CRCP: variants seen among roughly 807,000 people sequenced by gnomAD.
The protein encoded by CRCP is CGRP receptor component, also known as DNA-directed RNA polymerase III subunit RPC9.
Under a neutral mutation model 18.5 loss-of-function variants are expected in CRCP, and 18 were observed. That is an observed-to-expected ratio of 0.97 (90% CI 0.67 to 1.44). The LOEUF (loss-of-function observed/expected upper bound fraction) is 1.44, where lower values mean the gene tolerates loss of function less well. Ranked by LOEUF, CRCP falls within the 40% of genes most tolerant of loss-of-function variation. The pLI, the probability that CRCP is intolerant of heterozygous loss-of-function variation, is 0.00. For missense variants in CRCP, 130 were observed against 176.4 expected (o/e 0.74, Z 1.49); for synonymous variants, 53 against 62.9 (o/e 0.84, Z 0.75).
chr7:66,120,130 G>A (rs1320763333), intron 1 of CRCP, among the ~76,000 whole-genome samples: 3 of 151,806 alleles, frequency 2.0e-5, no homozygotes, highest in Non-Finnish European at 4.4e-5. Flanking sequence ...CTTGCAGTGA[G>A]CCAAGATCGC....
intron 3 of CRCP, 82 bp from the exon 4 acceptor site, chr7:66,134,198 T>A: frequency 9.2e-7 from 1 of 1,085,892 alleles, no homozygotes; most frequent in South Asian, 1.4e-5. Flanking sequence ...AGAATTTTAA[T>A]TACAGTCATT....
At position 66,154,131 on chromosome 7, in the gene CRCP, TTTA is replaced by T. The variant is rs1788545740; in HGVS notation, c.*1777_*1779del. On this transcript the variant is annotated 3_prime_UTR_variant, in exon 6 of 6. Coordinates refer to ENST00000395326, the MANE Select transcript of CRCP (RefSeq NM_014478.5). ...TGAGAATTTTAGTGGGAGCTGTTGATTTATTTCTCAGGGCATACATGTGCCAAT... is the reference window on the plus strand; with the variant it reads ...TGAGAATTTTAGTGGGAGCTGTTGATTTTCTCAGGGCATACATGTGCCAAT... The T allele has an allele frequency of 6.6e-6, 1 of 152,004 alleles. No homozygotes were observed. Among genetic ancestry groups the T allele is most frequent in the Admixed American group, 6.6e-5 (1 of 15,230 alleles). The allele number at this position is 152,004 out of a possible 1,614,324, so 9.4% of individuals were successfully genotyped here. A position where few individuals can be genotyped will look rare whatever the true frequency, so the allele number is the denominator to read the frequency against.
At chr7:66,117,117 C>CAAAAAAA (rs34224463) in intron 1 of CRCP, among the ~76,000 whole-genome samples, 1 of 81,180 alleles carries the variant, frequency 1.2e-5, no homozygotes, top group Non-Finnish European at 2.6e-5. Flanking sequence ...AAGACTGTCT[C>CAAAAAAA]AAAAAAAAAA....
At chr7:66,137,139 G>T (rs316334) in intron 4 of CRCP, among the ~76,000 whole-genome samples, 15,811 of 151,810 alleles carry the variant, frequency 0.1, 1,001 homozygotes, top group South Asian at 0.2. Flanking sequence ...AAAACAACCC[G>T]CCAATACTGA....
intron 3 of CRCP, among the ~76,000 whole-genome samples, chr7:66,131,123 C>T (rs1217842084): frequency 1.3e-5 from 2 of 152,114 alleles, no homozygotes; most frequent in African/African-American, 4.8e-5. Flanking sequence ...TGCAGGCGCC[C>T]TCCACCACGG....
At chr7:66,128,216 C>A (rs756304706) in intron 2 of CRCP, among the ~76,000 whole-genome samples, 1 of 151,930 alleles carries the variant, frequency 6.6e-6, no homozygotes, top group Non-Finnish European at 1.5e-5. Context: ...TCTGGTGGAC[C>A]TTGGAATAGT....
At chr7:66,148,801 A>C in intron 5 of CRCP, among the ~76,000 whole-genome samples, 1 of 152,212 alleles carries the variant, frequency 6.6e-6, no homozygotes, top group East Asian at 1.9e-4. Flanking sequence ...GTCTTGACTC[A>C]TATAGAGCGT....
At chr7:66,125,937 G>C (rs1487610094) in intron 1 of CRCP, among the ~76,000 whole-genome samples, 1 of 149,356 alleles carries the variant, frequency 6.7e-6, no homozygotes. Flanking sequence ...CCAGTGGGCA[G>C]ATTTCCTGAT....
chr7:66,130,789 G>A lies in CRCP; in HGVS notation c.91G>A (p.Gly31Arg). Residue 31 changes from glycine to arginine, a missense_variant, in exon 3 of 6, where the codon GGA becomes AGA. Gly to Arg is a moderately radical substitution (Grantham distance 125). Transcript: ENST00000395326. ...TDLKEQRKESGKNKHSSGQQN... is the reference protein window; with the variant it reads ...TDLKEQRKESRKNKHSSGQQN... ...TCTGAAAGAGCAGCGTAAAGAAAGT[G>A]GAAAGAATAAACACAGCTCTGGGCA... is the stretch of plus-strand genomic sequence containing the variant. The A allele has an allele frequency of 6.2e-7, 1 of 1,610,854 alleles. No homozygotes were observed. Among genetic ancestry groups the A allele is most frequent in the African/African-American group, 1.3e-5 (1 of 74,950 alleles).
At chr7:66,122,374 C>CAAAAAAAAAAAAAAAAAAAA (rs939428601) in intron 1 of CRCP, among the ~76,000 whole-genome samples, 1 of 57,974 alleles carries the variant, frequency 1.7e-5, no homozygotes, top group Non-Finnish European at 3.4e-5. Flanking sequence ...GACTCCGTCT[C>CAAAAAAAAAAAAAAAAAAAA]AAAAAAAAAA....
Position 66,152,274 on chromosome 7 carries a change from A to G in CRCP, c.364A>G (p.Ser122Gly), listed in dbSNP as rs147755294. Reference sequence around the variant, plus strand: ...TGAAGCTCTTCTCCACACCGTCACCAGCATTCTGCCTGCAGAGCCAGAGGC... The same window carrying G: ...TGAAGCTCTTCTCCACACCGTCACCGGCATTCTGCCTGCAGAGCCAGAGGC... The part of the protein sequence containing the change: ...QIEALLHTVT[S>G]ILPAEPEAEQ... The change falls in exon 6 of 6, where the codon AGC becomes GGC. Residue 122 changes from serine (S) to glycine (G), a missense_variant. Ser to Gly is a moderately conservative substitution (Grantham distance 56). Transcript: ENST00000395326. 8.6e-4 allele frequency: 1,385 copies of G among 1,614,176 alleles called. 4 individuals carry two copies. The African/African-American group carries it at 0.014, about 16-fold the overall frequency.
At chr7:66,116,148 G>A (rs1173043249) in intron 1 of CRCP, among the ~76,000 whole-genome samples, 1 of 152,032 alleles carries the variant, frequency 6.6e-6, no homozygotes, top group Non-Finnish European at 1.5e-5. Flanking sequence ...TGAAATGAAA[G>A]GCTCATGAAA....
In CRCP at chr7:66,134,274, TGC is replaced by T; in HGVS notation, c.145-5_145-4del. On this transcript the variant is annotated splice_region_variant and splice_polypyrimidine_tract_variant and intron_variant, in intron 3 of 5. Transcript: ENST00000395326. Reference sequence around the variant, plus strand: ...TGGCTTTTTTCTTTTTTTTTTTTTTTGCCAGACGTTAAAATACATATCAAAAA... The same window carrying T: ...TGGCTTTTTTCTTTTTTTTTTTTTTTCAGACGTTAAAATACATATCAAAAA... 1 of 1,506,410 alleles carries T rather than the reference TGC, an allele frequency of 6.6e-7. No homozygotes were observed. The highest frequency in any genetic ancestry group is 2.3e-5 in the East Asian group (1 of 43,408). The allele number at this position is 1,506,410 out of a possible 1,614,324, so 93.3% of individuals were successfully genotyped here. A position where few individuals can be genotyped will look rare whatever the true frequency, so the allele number is the denominator to read the frequency against.
intron 5 of CRCP, among the ~76,000 whole-genome samples, chr7:66,151,160 A>G (rs1788445065): frequency 6.6e-6 from 1 of 152,202 alleles, no homozygotes; most frequent in South Asian, 2.1e-4. Flanking sequence ...AGCTCCAGAC[A>G]CATGGGAGGC....
chr7:66,153,309 C>T lies in CRCP; in HGVS notation c.*952C>T, dbSNP rs956842919. The T allele has an allele frequency of 5.3e-5, 8 of 152,268 alleles. No homozygotes were observed. The highest frequency in any genetic ancestry group is 1.7e-4 in the African/African-American group (7 of 41,548). 9.4% of individuals were successfully genotyped at this position (152,268 alleles called of 1,614,324 possible). A position where few individuals can be genotyped will look rare whatever the true frequency, so the allele number is the denominator to read the frequency against. ...ACAAAATTAACCAGGGGTGATGGCA[C>T]ATTCCTGTAATCCCAGCTACTCGGG... On this transcript the variant is annotated 3_prime_UTR_variant, in exon 6 of 6. Transcript: ENST00000395326.
In CRCP at chr7:66,119,678, T is replaced by C. The variant is rs916790351; in HGVS notation, c.8+4708T>C. ...CACACATCTGGTCACAGAAGTCTTC[T>C]GTATTGATTGTTGTCGAGTGAGAGC... On this transcript the variant is annotated intron_variant, in intron 1 of 5. Coordinates refer to ENST00000395326, the MANE Select transcript of CRCP (RefSeq NM_014478.5). The C allele has an allele frequency of 2.6e-5, 4 of 152,352 alleles. No homozygotes were observed. The East Asian group carries it at 5.8e-4, about 22-fold the overall frequency. 9.4% of individuals were successfully genotyped at this position (152,352 alleles called of 1,614,324 possible).
chr7:66,133,355 G>T (rs1787866465), intron 3 of CRCP, among the ~76,000 whole-genome samples: 2 of 151,642 alleles, frequency 1.3e-5, no homozygotes, highest in South Asian at 2.1e-4. Flanking sequence ...AATACAAAAA[G>T]AAATTAGCCG....
Position 66,114,876 on chromosome 7 carries a change from C to A in CRCP, c.-87C>A, listed in dbSNP as rs566313655. On this transcript the variant is annotated 5_prime_UTR_variant, in exon 1 of 6. Transcript: ENST00000395326. ...AGCACCTTGGCGCGCGGAGCTGGCACCTTGGCGCTGTTGGTGGCGGCGGAG... is the reference window on the plus strand; with the variant it reads ...AGCACCTTGGCGCGCGGAGCTGGCAACTTGGCGCTGTTGGTGGCGGCGGAG... 4 of 1,607,194 alleles carry A rather than the reference C, an allele frequency of 2.5e-6. No individual in the cohort carries two copies. The South Asian group carries it at 4.4e-5, about 18-fold the overall frequency.
chr7:66,118,330 TCTAA>T (rs540189489), intron 1 of CRCP, among the ~76,000 whole-genome samples: 1 of 152,322 alleles, frequency 6.6e-6, no homozygotes, highest in South Asian at 2.1e-4. Flanking sequence ...CTTCAGTAAG[TCTAA>T]CTAACATAAG....
Sources: allele counts gnomAD v4.1 joint callset (sites outside exome capture counted in the v4.1 genomes callset), GRCh38; gene constraint gnomAD v4.1.1; transcripts MANE v1.5; gene names NCBI Gene and HGNC (gene_info 2026-07-23, HGNC 2026-07-21).